OAS3: variants seen among roughly 807,000 people sequenced by gnomAD.
The protein encoded by OAS3 is 2'-5'-oligoadenylate synthase 3.
Under a neutral mutation model 113.0 loss-of-function variants are expected in OAS3, and 107 were observed. The observed-to-expected ratio is 0.95, with a 90% CI of 0.81 to 1.11. The LOEUF is 1.11. Ranked by LOEUF, OAS3 falls within the 50% of genes most tolerant of loss-of-function variation. The pLI is 0.00. For synonymous variants in OAS3, 552 were observed against 573.6 expected, an observed-to-expected ratio of 0.96 and a Z score of 0.54; for missense variants, 1,258 against 1,389.1, an observed-to-expected ratio of 0.91 and a Z score of 1.50.
chr12:112,954,804 GCT>G lies in OAS3; in HGVS notation c.1657+3832_1657+3833del, dbSNP rs2043819504. On this transcript the variant is annotated intron_variant, in intron 7 of 15. Transcript: ENST00000228928. This position sits in a 1 kb window ranked among gnomAD's most constrained non-coding sequence, Gnocchi z 4.0. ...GCTTAGGATTGTCTTGGCAATGCAG[GCT>G]CTTTTTTGGTTTCATATGAACTTTA... 6.6e-6 allele frequency among the ~76,000 whole-genome samples: 1 copy of G among 152,160 alleles called. No individual in the cohort carries two copies. Among genetic ancestry groups the G allele is most frequent in the Admixed American group, 6.5e-5 (1 of 15,272 alleles).
At position 112,949,189 on chromosome 12, in the gene OAS3, C is replaced by T. The variant is rs773588322; in HGVS notation, c.1358C>T (p.Ala453Val). 13 of 1,610,904 alleles carry T rather than the reference C, an allele frequency of 8.1e-6. No individual in the cohort carries two copies. Among genetic ancestry groups the T allele is most frequent in the Non-Finnish European group, 1.0e-5 (12 of 1,179,666 alleles). The change falls in exon 6 of 16, where the codon GCC becomes GTC. Residue 453 changes from alanine to valine, a missense_variant. Ala to Val is a moderately conservative substitution (Grantham distance 64). Transcript: ENST00000228928. Reference protein sequence around the residue: ...RCLHENCVHKASRVSKGGSFG... With the variant: ...RCLHENCVHKVSRVSKGGSFG... ...CTCCATGAGAACTGTGTTCACAAGGCCTCAAGAGTCAGTAAAGTGAGTTGG... is the reference window on the plus strand; with the variant it reads ...CTCCATGAGAACTGTGTTCACAAGGTCTCAAGAGTCAGTAAAGTGAGTTGG...
intron 14 of OAS3, among the ~76,000 whole-genome samples, chr12:112,968,915 G>A (rs1031058949): frequency 2.0e-5 from 3 of 152,196 alleles, no homozygotes; most frequent in Non-Finnish European, 4.4e-5. Context: ...TCTGAAATGG[G>A]TACAGAGATA....
At position 112,946,934 on chromosome 12, in the gene OAS3, G is replaced by A. The variant is rs1362024128; in HGVS notation, c.828G>A (p.Glu276=). 2 of 1,614,042 alleles carry A rather than the reference G, an allele frequency of 1.2e-6. No homozygotes were observed. The highest frequency in any genetic ancestry group is 1.7e-5 in the Admixed American group (1 of 60,026). Residue 276 remains glutamate (E), a synonymous_variant, in exon 4 of 16, where the codon GAG becomes GAA. Coordinates refer to ENST00000228928, the MANE Select transcript of OAS3 (RefSeq NM_006187.4). ...CVFWTVNYGF[E]DPAVGQFLQR... ...TCTGGACTGTCAACTATGGCTTCGA[G>A]GACCCTGCAGTTGGGCAGTTCTTGC...
chr12:112,964,171 G>A (rs2043913079), intron 10 of OAS3, 64 bp from the exon 11 acceptor site: 13 of 1,492,898 alleles, frequency 8.7e-6, no homozygotes, highest in Non-Finnish European at 1.2e-5. Context: ...ACATCAAGGG[G>A]CAGGGCTTGG....
intron 6 of OAS3, 93 bp downstream of exon 6, chr12:112,949,298 TG>T (rs2043767825): frequency 1.8e-6 from 2 of 1,110,878 alleles, no homozygotes; most frequent in Admixed American, 2.1e-5. Context: ...GAGGTTGGGC[TG>T]GGGAACTGGA....
At chr12:112,961,288 T>C (rs769257188) in intron 8 of OAS3, 42 bp downstream of exon 8, 64 of 1,585,732 alleles carry the variant, frequency 4.0e-5, no homozygotes, top group Non-Finnish European at 5.5e-5. Context: ...ACCACTGTCA[T>C]GGCAACCACC....
Position 112,944,526 on chromosome 12 carries a change from C to T in OAS3, c.511C>T (p.Leu171Phe), listed in dbSNP as rs757703953. ...KPKPQVYSTLLNSGCQGGEHA... is the reference protein window; with the variant it reads ...KPKPQVYSTLFNSGCQGGEHA... Reference sequence around the variant, plus strand: ...CAAGCCACAAGTCTACTCTACCCTCCTCAACAGTGGCTGCCAAGGGGGCGA... The same window carrying T: ...CAAGCCACAAGTCTACTCTACCCTCTTCAACAGTGGCTGCCAAGGGGGCGA... Residue 171 changes from leucine (L) to phenylalanine (F), a missense_variant, in exon 3 of 16, where the codon CTC becomes TTC. Coordinates refer to ENST00000228928, the MANE Select transcript of OAS3 (RefSeq NM_006187.4). The T allele has an allele frequency of 1.2e-6, 2 of 1,614,074 alleles. No homozygotes were observed. Among genetic ancestry groups the T allele is most frequent in the Non-Finnish European group, 1.7e-6 (2 of 1,179,904 alleles).
chr12:112,943,088 C>T (rs567245068), intron 2 of OAS3, among the ~76,000 whole-genome samples: 45 of 152,066 alleles, frequency 3.0e-4, no homozygotes, highest in African/African-American at 1.1e-3. Context: ...GCATGCACCA[C>T]CATGCCTGGC....
rs191377301 is a variant in OAS3 at position 112,959,435 on chromosome 12, G to A, written c.1658-1636G>A. Among the ~76,000 whole-genome samples the A allele has an allele frequency of 7.9e-4, 121 of 152,268 alleles. 1 individual carries two copies. The highest frequency in any genetic ancestry group is 1.3e-3 in the Non-Finnish European group (88 of 68,032). On this transcript the variant is annotated intron_variant, in intron 7 of 15. Coordinates refer to ENST00000228928, the MANE Select transcript of OAS3 (RefSeq NM_006187.4). ...ATCACCCATCTTCTGTGTCACTCAC[G>A]CTGGGAGCTGTAGACTGGAGCTGTT...
rs1210463703 is a variant in OAS3, at chr12:112,938,509, C to T, written c.-22C>T. ...AGGCCGCGCCAGAGCCCTGCTTCCC[C>T]TTGCACCTGCGCCGGGCGGCCATGG... On this transcript the variant is annotated 5_prime_UTR_variant, in exon 1 of 16. Coordinates refer to ENST00000228928, the MANE Select transcript of OAS3 (RefSeq NM_006187.4). 1.3e-6 allele frequency: 2 copies of T among 1,556,768 alleles called. No homozygotes were observed. Among genetic ancestry groups the T allele is most frequent in the Non-Finnish European group, 1.7e-6 (2 of 1,155,956 alleles).
Position 112,963,033 on chromosome 12 carries a change from C to T in OAS3, c.2084+131C>T. The T allele has an allele frequency of 1.0e-5, 14 of 1,344,192 alleles. No homozygotes were observed. Among genetic ancestry groups the T allele is most frequent in the Non-Finnish European group, 1.3e-5 (13 of 970,006 alleles). 83.3% of individuals were successfully genotyped at this position (1,344,192 alleles called of 1,614,324 possible). A position where few individuals can be genotyped will look rare whatever the true frequency, so the allele number is the denominator to read the frequency against. On this transcript the variant is annotated intron_variant, in intron 9 of 15. Transcript: ENST00000228928. This position sits in a 1 kb window ranked among gnomAD's most constrained non-coding sequence, Gnocchi z 4.6. ...ATCCCACTCCTCACTCTGCTTCCCT[C>T]TGGACTCTTTGCTGAGGAAGTGTGG...
In OAS3 at chr12:112,961,241, C is replaced by T. The variant is rs78396126; in HGVS notation, c.1828C>T (p.Arg610Cys). Residue 610 changes from arginine to cysteine, a missense_variant, in exon 8 of 16, where the codon CGC (arginine) becomes TGC (cysteine). Transcript: ENST00000228928. Reference protein sequence around the residue: ...NLILLVKHWYRQVAAQNKGKG... With the variant: ...NLILLVKHWYCQVAAQNKGKG... ...GATTCTGCTGGTGAAGCACTGGTAC[C>T]GCCAGGTGAGTTGCCCCTGGCTCCT... The T allele has an allele frequency of 6.2e-6, 10 of 1,613,354 alleles. No individual in the cohort carries two copies. The highest frequency in any genetic ancestry group is 2.2e-5 in the East Asian group (1 of 44,868).
rs2043760757 is a variant in OAS3 at position 112,948,935 on chromosome 12, C to T, written c.1104C>T (p.Asn368=). 5 of 1,612,306 alleles carry T rather than the reference C, an allele frequency of 3.1e-6. No individual in the cohort carries two copies. The highest frequency in any genetic ancestry group is 4.2e-6 in the Non-Finnish European group (5 of 1,179,216). The change falls in exon 6 of 16, where the codon AAC becomes AAT. Residue 368 remains asparagine (N), a synonymous_variant. Transcript: ENST00000228928. ...QLDPNQKTPE[N]SKSLNAVYPR... The stretch of plus-strand genomic sequence containing the variant: ...ACCCTAACCAGAAGACCCCTGAAAA[C>T]AGCAAGAGCCTCAATGCTGTGTACC...
intron 7 of OAS3, among the ~76,000 whole-genome samples, chr12:112,958,255 T>A (rs1593181422): frequency 1.3e-5 from 2 of 152,242 alleles, no homozygotes; most frequent in South Asian, 4.1e-4. Context: ...TTCTCAAGGT[T>A]TTTAGCTTCT....
intron 11 of OAS3, 55 bp downstream of exon 11, chr12:112,964,463 C>G (rs1217505294): frequency 9.6e-6 from 15 of 1,557,404 alleles, no homozygotes; most frequent in Non-Finnish European, 1.2e-5. Context: ...GTGATCTCTC[C>G]CAGCCCAGGG....
rs2043905043 is a variant in OAS3, at chr12:112,963,305, G to T, written c.2085-8G>T. ...CCTTCCCCACCCACCTTCCTGCTGT[G>T]CCCCCAGACCCCTGGTCCTGGACCC... On this transcript the variant is annotated splice_region_variant and splice_polypyrimidine_tract_variant and intron_variant, in intron 9 of 15. Coordinates refer to ENST00000228928, the MANE Select transcript of OAS3 (RefSeq NM_006187.4). The surrounding 1 kb of genome is among the most constrained non-coding windows in gnomAD (Gnocchi z 4.6). The T allele has an allele frequency of 6.4e-7, 1 of 1,563,998 alleles. No homozygotes were observed. Among genetic ancestry groups the T allele is most frequent in the East Asian group, 2.4e-5 (1 of 42,368 alleles).
intron 4 of OAS3, among the ~76,000 whole-genome samples, chr12:112,947,496 C>CT (rs1201793850): frequency 1.3e-5 from 2 of 152,176 alleles, no homozygotes; most frequent in African/African-American, 4.8e-5. Context: ...GTGGATCATT[C>CT]TTTTTTGTTG....
chr12:112,966,200 G>C (rs1010275545), intron 12 of OAS3, among the ~76,000 whole-genome samples, 171 bp downstream of exon 12: 6 of 152,196 alleles, frequency 3.9e-5, no homozygotes, highest in African/African-American at 1.2e-4. Context: ...AAAGAAGAGG[G>C]CCCCTTTTTC....
In OAS3 at chr12:112,954,575, C is replaced by T. The variant is rs891408150; in HGVS notation, c.1657+3600C>T. 7.2e-5 allele frequency among the ~76,000 whole-genome samples: 11 copies of T among 152,138 alleles called. No homozygotes were observed. Among genetic ancestry groups the T allele is most frequent in the African/African-American group, 2.2e-4 (9 of 41,426 alleles). On this transcript the variant is annotated intron_variant, in intron 7 of 15. Coordinates refer to ENST00000228928, the MANE Select transcript of OAS3 (RefSeq NM_006187.4). This position sits in a 1 kb window ranked among gnomAD's most constrained non-coding sequence, Gnocchi z 4.0. ...CCTCCCAAAGTGCTGGGATTACAGG[C>T]GTGAGCCACTGCGCCTGGCCCCATT...
Sources: gnomAD v4.1 joint callset for allele counts (sites outside exome capture counted in the v4.1 genomes callset) on GRCh38, gnomAD v4.1.1 for gene constraint, Gnocchi (gnomAD v3.1) non-coding constraint, MANE v1.5 for transcripts, NCBI Gene and HGNC (gene_info 2026-07-23, HGNC 2026-07-21) for gene names.